Variants in TRPM7 observed in about 807,000 individuals in gnomAD.
TRPM7 encodes the protein transient receptor potential cation channel subfamily M member 7, also known as LTRPC ion channel family member 7.
TRPM7 carries 134 observed loss-of-function variants against 229.7 expected under a neutral mutation model. The ratio of observed to expected loss-of-function variants is 0.58; its 90% confidence interval spans 0.51 to 0.67. The LOEUF is 0.67. Among genes scored for constraint, TRPM7 ranks in the 30% least tolerant of loss-of-function variants. TRPM7 has a pLI of 0.00. For synonymous variants in TRPM7, 699 were observed against 715.2 expected, an observed-to-expected ratio of 0.98 and a Z score of 0.36; for missense variants, 1,901 against 2,210.0, an observed-to-expected ratio of 0.86 and a Z score of 2.80.
At chr15:50,646,279 T>C (rs538005009) in intron 4 of TRPM7, among the ~76,000 whole-genome samples, 13 of 152,156 alleles carry the variant, frequency 8.5e-5, no homozygotes, top group Non-Finnish European at 1.3e-4. Flanking sequence ...AAAATGGTTT[T>C]TGCTGTTGTT....
intron 1 of TRPM7, among the ~76,000 whole-genome samples, chr15:50,680,077 T>C (rs781722546): frequency 5.5e-4 from 84 of 151,498 alleles, no homozygotes; most frequent in Non-Finnish European, 2.4e-4. Flanking sequence ...CTGCTAAAAA[T>C]ACAAATATTA....
chr15:50,584,621 T>TG (rs1308891251), intron 28 of TRPM7, among the ~76,000 whole-genome samples: 4 of 151,418 alleles, frequency 2.6e-5, no homozygotes, highest in Non-Finnish European at 5.9e-5. Context: ...TTTCTGTTTT[T>TG]TTTTTTTTTT....
intron 1 of TRPM7, 74 bp from the exon 2 acceptor site, chr15:50,663,120 C>T: frequency 8.8e-7 from 1 of 1,136,300 alleles, no homozygotes; most frequent in Non-Finnish European, 1.3e-6. Context: ...TCATGATAAA[C>T]ACATAAACAG....
At chr15:50,668,717 AG>A (rs2061933269) in intron 1 of TRPM7, among the ~76,000 whole-genome samples, 1 of 152,184 alleles carries the variant, frequency 6.6e-6, no homozygotes, top group Non-Finnish European at 1.5e-5. Context: ...TATGTTGGCC[AG>A]GCTGGTCTCA....
chr15:50,656,001 G>T (rs919552437), intron 3 of TRPM7, among the ~76,000 whole-genome samples: 8 of 93,870 alleles, frequency 8.5e-5, no homozygotes, highest in Non-Finnish European at 1.7e-4. Flanking sequence ...CTCAAAAAAA[G>T]AAAAAAACAA....
chr15:50,651,575 T>C (rs866572010), intron 3 of TRPM7, among the ~76,000 whole-genome samples: 5 of 151,948 alleles, frequency 3.3e-5, no homozygotes, highest in Admixed American at 6.6e-5. Flanking sequence ...GGCAGGTGGA[T>C]TGCTTAAGCC....
intron 5 of TRPM7, 80 bp from the exon 6 acceptor site, chr15:50,639,628 G>A (rs1251862149): frequency 2.0e-5 from 26 of 1,300,290 alleles, no homozygotes; most frequent in African/African-American, 6.0e-5. Flanking sequence ...GAGCAGTGGC[G>A]CAATGACAGC....
At position 50,637,670 on chromosome 15, in the gene TRPM7, G is replaced by A. The variant is rs879601685; in HGVS notation, c.661-77C>T. The A allele has an allele frequency of 3.0e-5, 37 of 1,224,056 alleles. 1 individual carries two copies. Among genetic ancestry groups the A allele is most frequent in the South Asian group, 4.9e-5 (3 of 61,218 alleles). The allele number at this position is 1,224,056 out of a possible 1,614,324, so 75.8% of individuals were successfully genotyped here. ...TGTAAAATAAATTTTGAAATAATCCGTAAAGACAAGTAAGAAGTAAAATTC... is the reference window on the plus strand; with the variant it reads ...TGTAAAATAAATTTTGAAATAATCCATAAAGACAAGTAAGAAGTAAAATTC... On this transcript the variant is annotated intron_variant, in intron 6 of 38. Coordinates refer to ENST00000646667, the MANE Select transcript of TRPM7 (RefSeq NM_017672.6).
At chr15:50,571,987 G>GA (rs1430476555) in intron 36 of TRPM7, among the ~76,000 whole-genome samples, 1 of 152,218 alleles carries the variant, frequency 6.6e-6, no homozygotes, top group African/African-American at 2.4e-5. Flanking sequence ...ATGAAAGGAA[G>GA]AATCAATCCA....
intron 8 of TRPM7, among the ~76,000 whole-genome samples, chr15:50,633,900 A>G (rs12907922): frequency 0.11 from 16,389 of 152,292 alleles, 954 homozygotes; most frequent in African/African-American, 0.13. Context: ...TTCCAATAAC[A>G]TATGAGTCAG....
chr15:50,613,972 TGAC>T lies in TRPM7; in HGVS notation c.1636-134_1636-132del, dbSNP rs992939580. On this transcript the variant is annotated intron_variant, in intron 14 of 38. Coordinates refer to ENST00000646667, the MANE Select transcript of TRPM7 (RefSeq NM_017672.6). Reference sequence around the variant, plus strand: ...ACAAAATATGACTGATTTAGGATTTTGACGACATAATATTTCTAATTGCTCTTA... The same window carrying T: ...ACAAAATATGACTGATTTAGGATTTTGACATAATATTTCTAATTGCTCTTA... 16 of 1,358,186 alleles carry T rather than the reference TGAC, an allele frequency of 1.2e-5. No individual in the cohort carries two copies. In the Admixed American group the frequency reaches 3.1e-4, roughly 26 times the overall value. 84.1% of individuals were successfully genotyped at this position (1,358,186 alleles called of 1,614,324 possible). A position where few individuals can be genotyped will look rare whatever the true frequency, so the allele number is the denominator to read the frequency against.
intron 21 of TRPM7, 190 bp from the exon 22 acceptor site, chr15:50,599,486 T>C: frequency 9.3e-6 from 4 of 432,156 alleles, no homozygotes; most frequent in Non-Finnish European, 1.2e-5. Flanking sequence ...ATCTAGGAGA[T>C]TACGTAAAAA....
intron 13 of TRPM7, among the ~76,000 whole-genome samples, chr15:50,616,908 TG>T (rs991155904): frequency 2.0e-4 from 30 of 152,100 alleles, no homozygotes; most frequent in African/African-American, 7.0e-4. Flanking sequence ...CTTGAACTAT[TG>T]ACCTCAAGCC....
intron 1 of TRPM7, among the ~76,000 whole-genome samples, chr15:50,677,751 A>AG (rs201345782): frequency 0.054 from 8,066 of 148,218 alleles, 331 homozygotes; most frequent in African/African-American, 0.097. Flanking sequence ...AAAAAAAAAA[A>AG]AAAAAAAAAC....
At chr15:50,612,429 G>T in intron 16 of TRPM7, 120 bp downstream of exon 16, 3 of 706,474 alleles carry the variant, frequency 4.2e-6, no homozygotes, top group Non-Finnish European at 4.2e-6. Context: ...TCTGTCAATT[G>T]TACCAATAAG....
chr15:50,651,243 A>G (rs1596307587), intron 3 of TRPM7, among the ~76,000 whole-genome samples: 1 of 152,220 alleles, frequency 6.6e-6, no homozygotes, highest in East Asian at 1.9e-4. Context: ...AGAAGCAGAA[A>G]ACTATCAATA....
At chr15:50,684,542 G>T (rs944747132) in intron 1 of TRPM7, among the ~76,000 whole-genome samples, 5 of 152,066 alleles carry the variant, frequency 3.3e-5, no homozygotes, top group Admixed American at 3.3e-4. Context: ...TCGGGAGGCT[G>T]AGGCAGGAGA....
Position 50,578,733 on chromosome 15 carries a change from T to C in TRPM7, c.4593-69A>G. The C allele has an allele frequency of 7.6e-6, 9 of 1,178,730 alleles. No individual in the cohort carries two copies. In the South Asian group the frequency reaches 1.6e-4, roughly 21 times the overall value. 73.0% of individuals were successfully genotyped at this position (1,178,730 alleles called of 1,614,324 possible). A position where few individuals can be genotyped will look rare whatever the true frequency, so the allele number is the denominator to read the frequency against. On this transcript the variant is annotated intron_variant, in intron 30 of 38. Coordinates refer to ENST00000646667, the MANE Select transcript of TRPM7 (RefSeq NM_017672.6). ...TAAGTTTTGGCTATCATTTAATTTT[T>C]TGATTTTATACAATTATTATATAAA...
rs570535484 is a variant in TRPM7, at chr15:50,579,684, G to A, written c.4593-1020C>T. ...TCCTTGAAGAGGTCTGACTATAGGT[G>A]GGCCTTCCAAATGCCATTCCAGGGT... On this transcript the variant is annotated intron_variant, in intron 30 of 38. Coordinates refer to ENST00000646667, the MANE Select transcript of TRPM7 (RefSeq NM_017672.6). 6.6e-5 allele frequency among the ~76,000 whole-genome samples: 10 copies of A among 152,268 alleles called. No individual in the cohort carries two copies. The South Asian group carries it at 2.1e-3, about 32-fold the overall frequency.
Sources: gnomAD v4.1 joint callset for allele counts (sites outside exome capture counted in the v4.1 genomes callset) on GRCh38, gnomAD v4.1.1 for gene constraint, MANE v1.5 for transcripts, NCBI Gene and HGNC (gene_info 2026-07-23, HGNC 2026-07-21) for gene names.